The following MUC5AC variants were observed in gnomAD, a reference collection of about 807,000 sequenced individuals.
MUC5AC encodes the protein mucin-5AC.
MUC5AC carries 158 observed loss-of-function variants against 169.7 expected under a neutral mutation model. The ratio of observed to expected loss-of-function variants is 0.93; its 90% CI spans 0.82 to 1.06. The LOEUF (loss-of-function observed/expected upper bound fraction) is 1.06, where lower values mean the gene tolerates loss of function less well. MUC5AC is among the 50% of genes least tolerant of loss of function. The pLI, the probability that MUC5AC is intolerant of heterozygous loss-of-function variation, is 0.00. For synonymous variants in MUC5AC, 1,975 were observed against 1,237.0 expected (o/e 1.60, Z -12.52); for missense variants, 4,359 against 3,089.9 (o/e 1.41, Z -9.74).
At chr11:1,177,943 T>C (rs1860726520) in intron 24 of MUC5AC, among the ~76,000 whole-genome samples, 3 of 152,198 alleles carry the variant, frequency 2.0e-5, no homozygotes, top group African/African-American at 7.2e-5. Flanking sequence ...GGGGCTCCTT[T>C]TGGCCCCTTG....
chr11:1,172,453 C>T lies in MUC5AC; in HGVS notation c.1895C>T (p.Ser632Leu), dbSNP rs1403886626. 5.0e-6 allele frequency: 2 copies of T among 398,590 alleles called. No homozygotes were observed. The highest frequency in any genetic ancestry group is 8.8e-6 in the Non-Finnish European group (2 of 226,108). The allele number at this position is 398,590 out of a possible 1,614,324, so 24.7% of individuals were successfully genotyped here. Residue 632 changes from serine (S) to leucine (L), a missense_variant, in exon 16 of 49, where the codon TCG (serine) becomes TTG (leucine). Physicochemically the swap from Ser to Leu is moderately radical, Grantham distance 145 (BLOSUM62 -2). Coordinates refer to ENST00000621226, the MANE Select transcript of MUC5AC (RefSeq NM_001304359.2). ...ENEKYAQHWC[S>L]QLTDADGPFG... is the part of the protein sequence containing the mutation. ...GAGAAGTATGCTCAGCACTGGTGCT[C>T]GCAGCTGACCGATGCCGACGGCCCC... is the stretch of plus-strand genomic sequence containing the variant.
In MUC5AC at chr11:1,190,410, A is replaced by G; in HGVS notation, c.12265A>G (p.Thr4089Ala). Reference protein sequence around the residue: ...QSTSSWQKSRTTTLVTTSTTS... With the variant: ...QSTSSWQKSRATTLVTTSTTS... ...CACTTCCTCTTGGCAGAAATCCAGG[A>G]CAACCACTTTGGTGACAACCAGCAC... Residue 4089 changes from threonine (T) to alanine (A), a missense_variant, in exon 31 of 49, where the codon ACA (threonine) becomes GCA (alanine). Thr to Ala is a moderately conservative substitution (Grantham distance 58). Coordinates refer to ENST00000621226, the MANE Select transcript of MUC5AC (RefSeq NM_001304359.2). 1 of 663,466 alleles carries G rather than the reference A, an allele frequency of 1.5e-6. No individual in the cohort carries two copies. Among genetic ancestry groups the G allele is most frequent in the South Asian group, 1.7e-5 (1 of 59,680 alleles). 41.1% of individuals were successfully genotyped at this position (663,466 alleles called of 1,614,324 possible).
chr11:1,180,253 T>C, intron 27 of MUC5AC, 101 bp from the exon 28 acceptor site: 1 of 398,552 alleles, frequency 2.5e-6, no homozygotes, highest in Non-Finnish European at 4.4e-6. Flanking sequence ...CACATTCTGG[T>C]GCTGTCGGCG....
rs1335210491 is a variant in MUC5AC at position 1,167,932 on chromosome 11, C to G, written c.1442C>G (p.Thr481Arg). Reference sequence around the variant, plus strand: ...GCTGAGCTGCGCAGGTGCGGGCTGACGGACAGCGAGACCTGCCTGAAGAGC... The same window carrying G: ...GCTGAGCTGCGCAGGTGCGGGCTGAGGGACAGCGAGACCTGCCTGAAGAGC... Reference protein sequence around the residue: ...VLAELRRCGLTDSETCLKSVT... With the variant: ...VLAELRRCGLRDSETCLKSVT... Residue 481 changes from threonine to arginine, a missense_variant, in exon 12 of 49, where the codon ACG (threonine) becomes AGG (arginine). Physicochemically the swap from Thr to Arg is moderately conservative, Grantham distance 71 (BLOSUM62 -1). Coordinates refer to ENST00000621226, the MANE Select transcript of MUC5AC (RefSeq NM_001304359.2). 1 of 1,550,768 alleles carries G rather than the reference C, an allele frequency of 6.4e-7. No homozygotes were observed. The highest frequency in any genetic ancestry group is 2.4e-5 in the East Asian group (1 of 40,940).
In MUC5AC at chr11:1,186,391, C is replaced by A; in HGVS notation, c.8246C>A (p.Thr2749Asn). 1.4e-6 allele frequency: 1 copy of A among 707,532 alleles called. No individual in the cohort carries two copies. The highest frequency in any genetic ancestry group is 2.6e-6 in the Non-Finnish European group (1 of 388,000). 43.8% of individuals were successfully genotyped at this position (707,532 alleles called of 1,614,324 possible). ...STTSAPTPRR[T>N]SAPTTSTISA... is the part of the protein sequence containing the mutation. ...ACCTCTGCTCCTACACCCAGAAGAA[C>A]CTCAGCCCCTACAACCAGCACAATC... Residue 2749 changes from threonine to asparagine, a missense_variant, in exon 31 of 49, where the codon ACC becomes AAC. Physicochemically the swap from Thr to Asn is moderately conservative, Grantham distance 65 (BLOSUM62 0). Coordinates refer to ENST00000621226, the MANE Select transcript of MUC5AC (RefSeq NM_001304359.2).
chr11:1,182,423 G>A lies in MUC5AC; in HGVS notation c.4278G>A (p.Ser1426=), dbSNP rs1402464471. 4 of 398,624 alleles carry A rather than the reference G, an allele frequency of 1.0e-5. No homozygotes were observed. The highest frequency in any genetic ancestry group is 6.3e-4 in the Middle Eastern group (1 of 1,588). 24.7% of individuals were successfully genotyped at this position (398,624 alleles called of 1,614,324 possible). A position where few individuals can be genotyped will look rare whatever the true frequency, so the allele number is the denominator to read the frequency against. Residue 1426 remains serine, a synonymous_variant, in exon 31 of 49, where the codon TCG becomes TCA. Transcript: ENST00000621226. ...ACCGGGTGTGCGAATCACCCAGGTC[G>A]GTGGAGTGCCGAGCTGAGGACGCCC... ...HGYRVCESPR[S]VECRAEDAPG... is the part of the protein sequence containing the mutation.
chr11:1,177,242 C>T lies in MUC5AC; in HGVS notation c.2805C>T (p.Gly935=), dbSNP rs943142904. ...CTCTGCTTCCCCAGAACCACTGTGG[C>T]GGGAAAGACAGCACCCAGGACTCCT... is the stretch of plus-strand genomic sequence containing the variant. The part of the protein sequence containing the change: ...CEYTLVQNHC[G]GKDSTQDSFR... Residue 935 remains glycine, a synonymous_variant, in exon 23 of 49, where the codon GGC becomes GGT. Transcript: ENST00000621226. 16 of 408,372 alleles carry T rather than the reference C, an allele frequency of 3.9e-5. No homozygotes were observed. The highest frequency in any genetic ancestry group is 8.4e-5 in the Admixed American group (2 of 23,712). The allele number at this position is 408,372 out of a possible 1,614,324, so 25.3% of individuals were successfully genotyped here.
chr11:1,196,642 A>C lies in MUC5AC; in HGVS notation c.15751A>C (p.Thr5251Pro). 1.3e-6 allele frequency: 1 copy of C among 762,578 alleles called. No individual in the cohort carries two copies. Among genetic ancestry groups the C allele is most frequent in the Non-Finnish European group, 2.4e-6 (1 of 416,896 alleles). 47.2% of individuals were successfully genotyped at this position (762,578 alleles called of 1,614,324 possible). A position where few individuals can be genotyped will look rare whatever the true frequency, so the allele number is the denominator to read the frequency against. ...GGCTCTGCCGGAGGCCGGCCCCATC[A>C]CCGAAGGCTGCTTCTGTCCGGAGGG... ...LGALPEAGPI[T>P]EGCFCPEGMT... Residue 5251 changes from threonine to proline, a missense_variant, in exon 39 of 49, where the codon ACC (threonine) becomes CCC (proline). Coordinates refer to ENST00000621226, the MANE Select transcript of MUC5AC (RefSeq NM_001304359.2).
chr11:1,170,788 T>C (rs1357212911), intron 15 of MUC5AC, among the ~76,000 whole-genome samples: 598 of 42,612 alleles, frequency 0.014, no homozygotes, highest in South Asian at 0.021. Flanking sequence ...CACTCACCTA[T>C]TCACTCACTC....
chr11:1,186,068 C>T lies in MUC5AC; in HGVS notation c.7923C>T (p.Thr2641=), dbSNP rs1213732183. 2.1e-3 allele frequency: 1,571 copies of T among 739,470 alleles called. 16 individuals are homozygous for T. The highest frequency in any genetic ancestry group is 9.8e-3 in the African/African-American group (559 of 57,206). The allele number at this position is 739,470 out of a possible 1,614,324, so 45.8% of individuals were successfully genotyped here. The change falls in exon 31 of 49, where the codon ACC becomes ACT. Residue 2641 remains threonine, a synonymous_variant. Transcript: ENST00000621226. The stretch of plus-strand genomic sequence containing the variant: ...AAACTACTCCCAGCCCTGTTCCTAC[C>T]GCCAGCACAACCTCTGCTTCTACAA... The part of the protein sequence containing the change: ...GPETTPSPVP[T]ASTTSASTTS...
chr11:1,193,961 C>A (rs776448832), intron 33 of MUC5AC, 149 bp from the exon 34 acceptor site: 6 of 639,896 alleles, frequency 9.4e-6, no homozygotes, highest in African/African-American at 8.9e-5. Flanking sequence ...ACGCTGGCCA[C>A]GTGTGTTCTG....
In MUC5AC at chr11:1,163,053, C is replaced by A. The variant is rs756683965; in HGVS notation, c.679+8C>A. 1.2e-6 allele frequency: 2 copies of A among 1,610,810 alleles called. No homozygotes were observed. The highest frequency in any genetic ancestry group is 1.7e-6 in the Non-Finnish European group (2 of 1,178,246). Reference sequence around the variant, plus strand: ...GCGAGCTCCTCTCCCACAGTAAGGCCCCACATCGCCCTCAGCCCCTTCCTC... The same window carrying A: ...GCGAGCTCCTCTCCCACAGTAAGGCACCACATCGCCCTCAGCCCCTTCCTC... On this transcript the variant is annotated splice_region_variant and intron_variant, in intron 6 of 48. Coordinates refer to ENST00000621226, the MANE Select transcript of MUC5AC (RefSeq NM_001304359.2).
chr11:1,173,036 A>T (rs1860585583), intron 16 of MUC5AC, among the ~76,000 whole-genome samples: 1 of 150,474 alleles, frequency 6.6e-6, no homozygotes, highest in Non-Finnish European at 1.5e-5. Context: ...TCACCCATTC[A>T]CTCACTCATT....
intron 16 of MUC5AC, 67 bp downstream of exon 16, chr11:1,172,590 G>A (rs1860574050): frequency 5.0e-6 from 2 of 398,580 alleles, no homozygotes; most frequent in African/African-American, 2.1e-5. Context: ...CCTCCAGGAG[G>A]GCTGGGAGGG....
chr11:1,176,535 G>C lies in MUC5AC; in HGVS notation c.2524G>C (p.Gly842Arg). 1 of 399,764 alleles carries C rather than the reference G, an allele frequency of 2.5e-6. No individual in the cohort carries two copies. Among genetic ancestry groups the C allele is most frequent in the Non-Finnish European group, 4.4e-6 (1 of 226,922 alleles). 24.8% of individuals were successfully genotyped at this position (399,764 alleles called of 1,614,324 possible). Residue 842 changes from glycine (G) to arginine (R), a missense_variant, in exon 21 of 49, where the codon GGC (glycine) becomes CGC (arginine). Gly to Arg is a moderately radical substitution (Grantham distance 125, BLOSUM62 -2). Transcript: ENST00000621226. ...GCAGTACAGCCCCCAGTGTGTGCCTGGCTGCGTGTGCCCCGACGGGCTGGT... is the reference window on the plus strand; with the variant it reads ...GCAGTACAGCCCCCAGTGTGTGCCTCGCTGCGTGTGCCCCGACGGGCTGGT... ...MTCYSPQCVP[G>R]CVCPDGLVAD...
chr11:1,177,111 G>A (rs1228613302), intron 22 of MUC5AC, 45 bp downstream of exon 22: 10 of 398,506 alleles, frequency 2.5e-5, no homozygotes, highest in East Asian at 7.1e-5. Context: ...CCCGTGGCCC[G>A]AAGCTGCTCA....
Position 1,197,478 on chromosome 11 carries a change from C to T in MUC5AC, c.15872C>T (p.Thr5291Ile). The change falls in exon 41 of 49, where the codon ACC becomes ATC. Residue 5291 changes from threonine to isoleucine, a missense_variant. Coordinates refer to ENST00000621226, the MANE Select transcript of MUC5AC (RefSeq NM_001304359.2). ...PHGEPVKVGH[T>I]VGMDCQECTC... ...TCCCCTTCCTTGCAGGTGGGCCACACCGTCGGCATGGACTGCCAGGAGTGC... is the reference window on the plus strand; with the variant it reads ...TCCCCTTCCTTGCAGGTGGGCCACATCGTCGGCATGGACTGCCAGGAGTGC... The T allele has an allele frequency of 1.4e-6, 1 of 713,256 alleles. No homozygotes were observed. The highest frequency in any genetic ancestry group is 2.6e-5 in the East Asian group (1 of 38,158). 44.2% of individuals were successfully genotyped at this position (713,256 alleles called of 1,614,324 possible).
chr11:1,199,473 C>A lies in MUC5AC; in HGVS notation c.16498C>A (p.Pro5500Thr). The change falls in exon 46 of 49, where the codon CCG (proline) becomes ACG (threonine). Residue 5500 changes from proline (P) to threonine (T), a missense_variant. By Grantham distance (38) the Pro-to-Thr change is conservative. Transcript: ENST00000621226. ...GGTCACCACGAAGAAGGCGTGCCCC[C>A]CGCTCAGCTGTTCTCTGGTGAGGTC... ...VVVTTKKACP[P>T]LSCSLDEARM... 4.2e-6 allele frequency: 3 copies of A among 717,856 alleles called. No individual in the cohort carries two copies. The highest frequency in any genetic ancestry group is 7.6e-6 in the Non-Finnish European group (3 of 393,574). 44.5% of individuals were successfully genotyped at this position (717,856 alleles called of 1,614,324 possible).
At position 1,175,024 on chromosome 11, in the gene MUC5AC, G is replaced by A. The variant is rs878912893; in HGVS notation, c.2235G>A (p.Lys745=). Residue 745 remains lysine, a synonymous_variant, in exon 18 of 49, where the codon AAG becomes AAA. Transcript: ENST00000621226. The part of the protein sequence containing the change: ...FIPVDGCICP[K]GTFLDDTGKC... The stretch of plus-strand genomic sequence containing the variant: ...CCGTGGATGGCTGCATCTGTCCCAA[G>A]GGCACCTTCCTGGACGACACGGGCA... 0.019 allele frequency: 7,736 copies of A among 403,564 alleles called. 131 individuals carry two copies. The highest frequency in any genetic ancestry group is 0.02 in the Non-Finnish European group (4,602 of 229,080). 25.0% of individuals were successfully genotyped at this position (403,564 alleles called of 1,614,324 possible). A position where few individuals can be genotyped will look rare whatever the true frequency, so the allele number is the denominator to read the frequency against.
Sources: allele counts gnomAD v4.1 joint callset (sites outside exome capture counted in the v4.1 genomes callset), GRCh38; gene constraint gnomAD v4.1.1; transcripts MANE v1.5; gene names NCBI Gene and HGNC (gene_info 2026-07-23, HGNC 2026-07-21).